The following FNIP2 variants were observed in gnomAD, a reference collection of about 807,000 sequenced individuals.
The protein encoded by FNIP2 is folliculin interacting protein 2, also known as folliculin-interacting protein 2.
A neutral mutation model predicts 108.7 loss-of-function variants in FNIP2; 32 were observed. That is an observed-to-expected ratio of 0.29 (90% confidence interval 0.22 to 0.40). FNIP2 has a LOEUF of 0.40. Among genes scored for constraint, FNIP2 ranks in the 10% least tolerant of loss-of-function variants. The pLI, the probability that FNIP2 is intolerant of heterozygous loss-of-function variation, is 1.00. For missense variants in FNIP2, 1,202 were observed against 1,381.6 expected (o/e 0.87, Z 2.06); for synonymous variants, 480 against 496.7 (o/e 0.97, Z 0.45).
intron 1 of FNIP2, among the ~76,000 whole-genome samples, chr4:158,803,636 C>G (rs1402821206): frequency 6.6e-6 from 1 of 152,162 alleles, no homozygotes; most frequent in African/African-American, 2.4e-5. Context: ...CATATCTACC[C>G]TATTACATTT....
intron 1 of FNIP2, among the ~76,000 whole-genome samples, chr4:158,791,102 G>A (rs1776397892): frequency 6.9e-6 from 1 of 144,402 alleles, no homozygotes; most frequent in African/African-American, 2.5e-5. Context: ...GGTGGAGGAG[G>A]GGCGTAGCAA....
intron 14 of FNIP2, among the ~76,000 whole-genome samples, chr4:158,886,603 G>A (rs548562146): frequency 2.6e-5 from 4 of 152,294 alleles, no homozygotes; most frequent in South Asian, 2.1e-4. Flanking sequence ...CAAACATATC[G>A]CAGATCCATT....
chr4:158,874,098 C>T (rs530334803), intron 14 of FNIP2, among the ~76,000 whole-genome samples: 41 of 152,252 alleles, frequency 2.7e-4, no homozygotes, highest in Non-Finnish European at 4.3e-4. Context: ...TATTACCACT[C>T]GTTTGTTGAT....
At chr4:158,892,013 T>C (rs1049311630) in intron 15 of FNIP2, among the ~76,000 whole-genome samples, 1 of 152,218 alleles carries the variant, frequency 6.6e-6, no homozygotes, top group African/African-American at 2.4e-5. Context: ...GAAGGGATTG[T>C]AGTTCCTTTT....
At chr4:158,785,545 T>C (rs1266222645) in intron 1 of FNIP2, among the ~76,000 whole-genome samples, 1 of 152,116 alleles carries the variant, frequency 6.6e-6, no homozygotes, top group Non-Finnish European at 1.5e-5. Context: ...ACCAGGCTGG[T>C]CTTGAACTCC....
chr4:158,852,978 C>T (rs990959537), intron 8 of FNIP2, among the ~76,000 whole-genome samples: 1 of 151,120 alleles, frequency 6.6e-6, no homozygotes, highest in African/African-American at 2.4e-5. Flanking sequence ...GTCCTCTTAC[C>T]CAAAAAACAA....
In FNIP2 at chr4:158,868,826, C is replaced by T. The variant is rs1780746774; in HGVS notation, c.2190C>T (p.Asp730=). Residue 730 remains aspartate, a synonymous_variant, in exon 13 of 17, where the codon GAC becomes GAT. Coordinates refer to ENST00000264433, the MANE Select transcript of FNIP2 (RefSeq NM_020840.3). This position sits in a 1 kb window ranked among gnomAD's most constrained non-coding sequence, Gnocchi z 4.6. ...QIGSFASPES[D]FESRMKKMEE... is the part of the protein sequence containing the mutation. ...GAAGCTTTGCATCTCCAGAGTCTGA[C>T]TTTGAAAGCCGCATGAAAAAAATGG... 1.2e-6 allele frequency: 2 copies of T among 1,613,646 alleles called. No individual in the cohort carries two copies. Among genetic ancestry groups the T allele is most frequent in the Non-Finnish European group, 8.5e-7 (1 of 1,179,914 alleles).
rs13133053 is a variant in FNIP2 at position 158,827,899 on chromosome 4, A to C, written c.235-1180A>C. 3.3e-5 allele frequency among the ~76,000 whole-genome samples: 5 copies of C among 152,310 alleles called. No homozygotes were observed. In the South Asian group the frequency reaches 8.3e-4, roughly 25 times the overall value. On this transcript the variant is annotated intron_variant, in intron 2 of 16. Transcript: ENST00000264433. ...CAAGCACATGACTGCAGGCATTTGCATTAGACCACCAGTGTGACTGTCACA... is the reference window on the plus strand; with the variant it reads ...CAAGCACATGACTGCAGGCATTTGCCTTAGACCACCAGTGTGACTGTCACA...
rs747044136 is a variant in FNIP2 at position 158,869,209 on chromosome 4, T to A, written c.2573T>A (p.Val858Asp). 1 of 1,614,016 alleles carries A rather than the reference T, an allele frequency of 6.2e-7. No homozygotes were observed. The highest frequency in any genetic ancestry group is 8.5e-7 in the Non-Finnish European group (1 of 1,179,898). The stretch of plus-strand genomic sequence containing the variant: ...CTGGAGCCTGTTGCCCCCAGGTGTG[T>A]CCAGCGGGGCCCTGGCCTCGTGGCT... ...PVLEPVAPRC[V>D]QRGPGLVAGA... The change falls in exon 13 of 17, where the codon GTC becomes GAC. Residue 858 changes from valine to aspartate, a missense_variant. This residue lies in a region of FNIP2 where 878 missense variants were observed against 990.3 expected (regional missense o/e 0.89). Coordinates refer to ENST00000264433, the MANE Select transcript of FNIP2 (RefSeq NM_020840.3).
At chr4:158,871,507 A>C (rs1780947940) in intron 14 of FNIP2, 2 of 985,252 alleles carry the variant, frequency 2.0e-6, no homozygotes, top group African/African-American at 1.7e-5. Flanking sequence ...AAACAGGCTA[A>C]GTATATTTAT....
At chr4:158,861,056 G>C (rs968974881) in intron 10 of FNIP2, among the ~76,000 whole-genome samples, 2 of 152,206 alleles carry the variant, frequency 1.3e-5, no homozygotes, top group African/African-American at 4.8e-5. Context: ...TAGAGTCTCT[G>C]TAGTAGCAAC....
chr4:158,870,616 G>A, intron 14 of FNIP2, 147 bp downstream of exon 14: 1 of 1,010,494 alleles, frequency 9.9e-7, no homozygotes, highest in South Asian at 1.8e-5. Flanking sequence ...GCTAGGGCTA[G>A]TGAGGCACCT....
At chr4:158,850,434 G>A (rs1214296303) in intron 7 of FNIP2, among the ~76,000 whole-genome samples, 1 of 151,760 alleles carries the variant, frequency 6.6e-6, no homozygotes, top group Non-Finnish European at 1.5e-5. Flanking sequence ...CTACCTGAGA[G>A]GGACTAGTCC....
chr4:158,907,958 T>C lies in FNIP2; in HGVS notation c.*3414T>C, dbSNP rs1027120105. 1 of 152,206 alleles carries C rather than the reference T, an allele frequency of 6.6e-6. No homozygotes were observed. The highest frequency in any genetic ancestry group is 1.9e-4 in the East Asian group (1 of 5,204). 9.4% of individuals were successfully genotyped at this position (152,206 alleles called of 1,614,324 possible). A position where few individuals can be genotyped will look rare whatever the true frequency, so the allele number is the denominator to read the frequency against. ...TCAGTCTGAATAGATACCAATGTCA[T>C]TGTGTGGGAATTTTTTTTAACTTGT... On this transcript the variant is annotated 3_prime_UTR_variant, in exon 17 of 17. Transcript: ENST00000264433.
In FNIP2 at chr4:158,844,771, C is replaced by T. The variant is rs564565666; in HGVS notation, c.728-6550C>T. Among the ~76,000 whole-genome samples, 5 of 152,330 alleles carry T rather than the reference C, an allele frequency of 3.3e-5. No homozygotes were observed. The South Asian group carries it at 1.0e-3, about 32-fold the overall frequency. On this transcript the variant is annotated intron_variant, in intron 7 of 16. Coordinates refer to ENST00000264433, the MANE Select transcript of FNIP2 (RefSeq NM_020840.3). ...AATCTAAATTCTTTCATCAAATAAT[C>T]ACTACAGTGTTTTCTAGTAAACTGT...
At position 158,907,583 on chromosome 4, in the gene FNIP2, A is replaced by G. The variant is rs1729949083; in HGVS notation, c.*3039A>G. ...ATAAAAATAATAAAGAATATAAAGTATCCCAAAATTCTTTTAAAGTCTGGA... is the reference window on the plus strand; with the variant it reads ...ATAAAAATAATAAAGAATATAAAGTGTCCCAAAATTCTTTTAAAGTCTGGA... On this transcript the variant is annotated 3_prime_UTR_variant, in exon 17 of 17. Transcript: ENST00000264433. 1 of 152,222 alleles carries G rather than the reference A, an allele frequency of 6.6e-6. No individual in the cohort carries two copies. The highest frequency in any genetic ancestry group is 1.5e-5 in the Non-Finnish European group (1 of 68,044). 9.4% of individuals were successfully genotyped at this position (152,222 alleles called of 1,614,324 possible). A position where few individuals can be genotyped will look rare whatever the true frequency, so the allele number is the denominator to read the frequency against.
At position 158,868,751 on chromosome 4, in the gene FNIP2, C is replaced by G. The variant is rs998806267; in HGVS notation, c.2115C>G (p.Asp705Glu). ...GGTCAGTGGCCTGGCCTTGCCCTGA[C>G]AGACATCTCCGGGAGAAACCTTCCT... ...PDRSVAWPCP[D>E]RHLREKPSLE... The change falls in exon 13 of 17, where the codon GAC (aspartate) becomes GAG (glutamate). Residue 705 changes from aspartate to glutamate, a missense_variant. By Grantham distance (45) the Asp-to-Glu change is conservative (BLOSUM62 2). Transcript: ENST00000264433. This position sits in a 1 kb window ranked among gnomAD's most constrained non-coding sequence, Gnocchi z 4.6. 6.2e-7 allele frequency: 1 copy of G among 1,613,944 alleles called. No homozygotes were observed.
At chr4:158,839,750 C>A (rs1307649963) in intron 7 of FNIP2, among the ~76,000 whole-genome samples, 1 of 152,128 alleles carries the variant, frequency 6.6e-6, no homozygotes, top group Non-Finnish European at 1.5e-5. Context: ...CTTTAACATA[C>A]CTCTATCTGT....
At chr4:158,891,059 G>C (rs1413793594) in intron 14 of FNIP2, among the ~76,000 whole-genome samples, 3 of 152,186 alleles carry the variant, frequency 2.0e-5, no homozygotes, top group Admixed American at 2.0e-4. Flanking sequence ...GTCACCCCAG[G>C]ATAGTAGAAA....
Sources: allele counts gnomAD v4.1 joint callset (sites outside exome capture counted in the v4.1 genomes callset), GRCh38; gene constraint gnomAD v4.1.1; regional missense constraint gnomAD v4.1.1; non-coding constraint Gnocchi (gnomAD v3.1); transcripts MANE v1.5; gene names NCBI Gene and HGNC (gene_info 2026-07-23, HGNC 2026-07-21).